ADCY8: variants seen among roughly 807,000 people sequenced by gnomAD.
The protein encoded by ADCY8 is adenylate cyclase type 8.
A neutral mutation model predicts 119.7 loss-of-function variants in ADCY8; 51 were observed. That is an observed-to-expected ratio of 0.43 (90% CI 0.34 to 0.54). The LOEUF is 0.54. ADCY8 is among the 20% of genes least tolerant of loss of function. ADCY8 has a pLI of 0.03. For synonymous variants in ADCY8, 665 were observed against 651.0 expected (o/e 1.02, Z -0.33); for missense variants, 1,383 against 1,598.8 (o/e 0.87, Z 2.30).
intron 1 of ADCY8, among the ~76,000 whole-genome samples, chr8:131,003,491 G>C (rs1213102493): frequency 6.6e-6 from 1 of 152,130 alleles, no homozygotes; most frequent in Admixed American, 6.5e-5. Context: ...TTTGCAGCCT[G>C]ACTTAATTCT....
chr8:130,892,666 CAGTT>C (rs1372241501), intron 7 of ADCY8: 2 of 152,294 alleles, frequency 1.3e-5, no homozygotes, highest in Admixed American at 1.3e-4. Flanking sequence ...CCTCTTGCTT[CAGTT>C]CAACCTACTC....
chr8:130,846,709 C>CGTCCTTCCTTCCCCTTCCTACCTTCT (rs1817316656), intron 11 of ADCY8, among the ~76,000 whole-genome samples: 2 of 95,808 alleles, frequency 2.1e-5, no homozygotes, highest in Non-Finnish European at 5.1e-5. Context: ...TACTACCTTC[C>CGTCCTTCCTTCCCCTTCCTACCTTCT]GTCCTTCCTT....
chr8:130,896,638 A>G (rs1465405680), intron 7 of ADCY8, among the ~76,000 whole-genome samples: 4 of 152,202 alleles, frequency 2.6e-5, no homozygotes, highest in South Asian at 2.1e-4. Context: ...ACATAAAATC[A>G]TAAGTTATGC....
chr8:130,945,126 G>A lies in ADCY8; in HGVS notation c.1242-1664C>T, dbSNP rs1431125948. 3.3e-5 allele frequency among the ~76,000 whole-genome samples: 5 copies of A among 152,280 alleles called. No homozygotes were observed. The South Asian group carries it at 1.0e-3, about 32-fold the overall frequency. On this transcript the variant is annotated intron_variant, in intron 3 of 17. Transcript: ENST00000286355. ...TGGAAGAATAAGTGTATGTATCAAG[G>A]TTCTGCAGTAATTCAAGGGCAGCCA...
intron 17 of ADCY8, 30 bp from the exon 18 acceptor site, chr8:130,780,907 C>T: frequency 6.2e-7 from 1 of 1,606,764 alleles, no homozygotes; most frequent in Non-Finnish European, 8.5e-7. Flanking sequence ...AGCAAGAAGT[C>T]AGAGGGAGAA....
Position 130,818,717 on chromosome 8 carries a change from C to G in ADCY8, c.2754+2625G>C, listed in dbSNP as rs542104680. Among the ~76,000 whole-genome samples, 93 of 152,228 alleles carry G rather than the reference C, an allele frequency of 6.1e-4. 1 individual carries two copies. Among genetic ancestry groups the G allele is most frequent in the African/African-American group, 2.2e-3 (92 of 41,542 alleles). ...AAGCCCAGGAGTGGGCAGGCTTGAT[C>G]GGAGATTAACAGGACCCAAAACGAT... On this transcript the variant is annotated intron_variant, in intron 13 of 17. Transcript: ENST00000286355.
At chr8:130,841,658 G>C (rs1817146589) in intron 11 of ADCY8, among the ~76,000 whole-genome samples, 1 of 152,122 alleles carries the variant, frequency 6.6e-6, no homozygotes, top group Admixed American at 6.5e-5. Flanking sequence ...AACTGACGAG[G>C]GAATTGAGCA....
At position 131,039,784 on chromosome 8, in the gene ADCY8, C is replaced by T. The variant is rs749082190; in HGVS notation, c.550G>A (p.Val184Met). The T allele has an allele frequency of 1.2e-5, 20 of 1,614,094 alleles. No homozygotes were observed. Among genetic ancestry groups the T allele is most frequent in the Non-Finnish European group, 1.7e-5 (20 of 1,180,054 alleles). ...GTCAGCACGTCCAGCACGTTCATCA[C>T]CACTTCCGATTTGCGCCTTTGGCCC... ...FLGQRRKSEV[V>M]MNVLDVLTKL... The change falls in exon 1 of 18, where the codon GTG (valine) becomes ATG (methionine). Residue 184 changes from valine (V) to methionine (M), a missense_variant. Coordinates refer to ENST00000286355, the MANE Select transcript of ADCY8 (RefSeq NM_001115.3).
At chr8:130,868,007 G>A in intron 8 of ADCY8, 61 bp from the exon 9 acceptor site, 1 of 1,076,522 alleles carries the variant, frequency 9.3e-7, no homozygotes, top group South Asian at 1.5e-5. Flanking sequence ...TTGAGGTTGA[G>A]GGAAACATCA....
intron 16 of ADCY8, among the ~76,000 whole-genome samples, 199 bp from the exon 17 acceptor site, chr8:130,784,004 T>C (rs190828165): frequency 5.3e-5 from 8 of 152,300 alleles, no homozygotes; most frequent in African/African-American, 1.7e-4. Context: ...CTTGCAAGAG[T>C]GTAGTATATG....
intron 15 of ADCY8, among the ~76,000 whole-genome samples, chr8:130,787,908 CAT>C (rs965531972): frequency 6.6e-6 from 1 of 152,030 alleles, no homozygotes; most frequent in Non-Finnish European, 1.5e-5. Flanking sequence ...CACATGTGTG[CAT>C]GTGTGTGTGC....
chr8:130,891,223 T>C (rs1431638760), intron 7 of ADCY8, among the ~76,000 whole-genome samples: 1 of 152,116 alleles, frequency 6.6e-6, no homozygotes, highest in Non-Finnish European at 1.5e-5. Flanking sequence ...CTTTGGGTTG[T>C]GGAAAAGGCA....
intron 15 of ADCY8, among the ~76,000 whole-genome samples, chr8:130,791,639 TGGAGTGAA>T (rs1231957984): frequency 6.6e-6 from 1 of 152,266 alleles, no homozygotes; most frequent in East Asian, 1.9e-4. Flanking sequence ...ACCTCATGTC[TGGAGTGAA>T]CCTTTGGCAG....
intron 14 of ADCY8, among the ~76,000 whole-genome samples, chr8:130,809,849 G>T (rs982364579): frequency 2.4e-4 from 37 of 152,260 alleles, no homozygotes; most frequent in African/African-American, 8.9e-4. Flanking sequence ...ATGGCTTTCA[G>T]CATACCCCTG....
At chr8:130,809,710 G>A (rs1214383034) in intron 14 of ADCY8, among the ~76,000 whole-genome samples, 4 of 152,184 alleles carry the variant, frequency 2.6e-5, no homozygotes, top group African/African-American at 9.7e-5. Context: ...TTGAATACAT[G>A]TCCTTCTGGC....
intron 15 of ADCY8, among the ~76,000 whole-genome samples, chr8:130,792,631 A>G (rs1277044150): frequency 2.6e-5 from 4 of 152,150 alleles, no homozygotes; most frequent in Non-Finnish European, 4.4e-5. Context: ...CCTTAGCCCT[A>G]TCTTTAAAGA....
intron 14 of ADCY8, among the ~76,000 whole-genome samples, chr8:130,802,034 G>A (rs571246750): frequency 4.0e-5 from 6 of 151,062 alleles, no homozygotes; most frequent in South Asian, 4.2e-4. Context: ...ATGTGCTGAC[G>A]GTTTCTAAAT....
intron 16 of ADCY8, among the ~76,000 whole-genome samples, chr8:130,784,431 C>T (rs910492765): frequency 4.6e-5 from 7 of 152,130 alleles, no homozygotes; most frequent in Admixed American, 2.0e-4. Context: ...CTTCCTACCT[C>T]GTAGGTATTG....
chr8:130,930,398 C>T (rs996385706), intron 5 of ADCY8, among the ~76,000 whole-genome samples: 8 of 151,978 alleles, frequency 5.3e-5, no homozygotes, highest in Non-Finnish European at 7.4e-5. Flanking sequence ...ACTACAGGCA[C>T]CTGCCACGAA....
Sources: gnomAD v4.1 joint callset for allele counts (sites outside exome capture counted in the v4.1 genomes callset) on GRCh38, gnomAD v4.1.1 for gene constraint, MANE v1.5 for transcripts, NCBI Gene and HGNC (gene_info 2026-07-23, HGNC 2026-07-21) for gene names.